FCHO2: variants seen among roughly 807,000 people sequenced by gnomAD.
FCHO2 encodes FCH and mu domain containing endocytic adaptor 2.
FCHO2 carries 43 observed loss-of-function variants against 114.1 expected under a neutral mutation model. That is an observed-to-expected ratio of 0.38 (90% CI 0.30 to 0.49). The LOEUF is 0.49. Among genes scored for constraint, FCHO2 ranks in the 20% least tolerant of loss-of-function variants. The pLI, the probability that FCHO2 is intolerant of heterozygous loss-of-function variation, is 0.97. For missense variants in FCHO2, 807 were observed against 950.4 expected, an observed-to-expected ratio of 0.85 and a Z score of 1.98; for synonymous variants, 293 against 315.2, an observed-to-expected ratio of 0.93 and a Z score of 0.75.
intron 11 of FCHO2, among the ~76,000 whole-genome samples, chr5:73,045,872 T>G (rs1286286640): frequency 1.4e-4 from 21 of 152,178 alleles, no homozygotes; most frequent in Admixed American, 1.2e-3. Flanking sequence ...AGATTGCCAT[T>G]TCTTGTTTTG....
At chr5:72,971,871 T>G (rs866601994) in intron 2 of FCHO2, among the ~76,000 whole-genome samples, 1 of 152,126 alleles carries the variant, frequency 6.6e-6, no homozygotes, top group Non-Finnish European at 1.5e-5. Context: ...GTGAATTGAT[T>G]TTTGTATAAG....
At chr5:73,037,760 CTT>C (rs762112815) in intron 10 of FCHO2, 1,505 of 327,788 alleles carry the variant, frequency 4.6e-3, no homozygotes, top group Middle Eastern at 8.8e-3. Flanking sequence ...GATTTACCTT[CTT>C]TTTTTTTTTT....
chr5:73,008,423 G>A (rs369499978), intron 6 of FCHO2, among the ~76,000 whole-genome samples: 3 of 152,100 alleles, frequency 2.0e-5, no homozygotes, highest in East Asian at 1.9e-4. Flanking sequence ...GGAATTCTTC[G>A]GAAGATTAGG....
At chr5:73,081,029 G>A (rs956704139) in intron 22 of FCHO2, among the ~76,000 whole-genome samples, 5 of 152,104 alleles carry the variant, frequency 3.3e-5, no homozygotes, top group African/African-American at 7.2e-5. Context: ...AGGATTGCTC[G>A]AGCCCAGGAG....
chr5:73,024,162 C>T (rs940055034), intron 8 of FCHO2, among the ~76,000 whole-genome samples: 7 of 152,042 alleles, frequency 4.6e-5, no homozygotes, highest in African/African-American at 7.2e-5. Flanking sequence ...CAGGCTCAAG[C>T]GATCTTGCCA....
chr5:72,979,452 C>T (rs576262558), intron 2 of FCHO2, among the ~76,000 whole-genome samples: 166 of 115,522 alleles, frequency 1.4e-3, no homozygotes, highest in African/African-American at 5.0e-3. Flanking sequence ...AGTGCAGTGG[C>T]GCGATCTCGG....
At chr5:72,996,845 G>T in intron 5 of FCHO2, 1 of 1,014,082 alleles carries the variant, frequency 9.9e-7, no homozygotes, top group African/African-American at 1.6e-5. Flanking sequence ...GGCAACGGGG[G>T]GCTGGCGGAG....
chr5:72,981,210 T>C (rs1753191659), intron 2 of FCHO2, among the ~76,000 whole-genome samples: 1 of 152,220 alleles, frequency 6.6e-6, no homozygotes, highest in Admixed American at 6.5e-5. Flanking sequence ...TGAAGCTTTG[T>C]TTGGCTAGAC....
At chr5:72,996,639 T>C (rs1350788305) in intron 5 of FCHO2, among the ~76,000 whole-genome samples, 2 of 150,234 alleles carry the variant, frequency 1.3e-5, no homozygotes, top group Non-Finnish European at 3.0e-5. Context: ...CCGACCTGTC[T>C]CGGCCCGCAA....
At chr5:72,957,034 A>G (rs906341130) in intron 1 of FCHO2, among the ~76,000 whole-genome samples, 1 of 152,114 alleles carries the variant, frequency 6.6e-6, no homozygotes, top group Non-Finnish European at 1.5e-5. Context: ...AGATTTAGAC[A>G]TATTTAAAGG....
chr5:72,970,747 T>C (rs866567176), intron 2 of FCHO2, among the ~76,000 whole-genome samples: 7 of 152,190 alleles, frequency 4.6e-5, no homozygotes, highest in South Asian at 4.1e-4. Flanking sequence ...ACGTGCACAA[T>C]GTGCAGGTTA....
chr5:73,051,304 G>T (rs1158455739), intron 11 of FCHO2, 45 bp from the exon 12 acceptor site: 3 of 1,288,110 alleles, frequency 2.3e-6, no homozygotes, highest in African/African-American at 1.5e-5. Flanking sequence ...TAATAATTTT[G>T]TACATTGGAG....
At chr5:73,050,294 C>CTATTTATTTATTTATTTATTTATT (rs3054232) in intron 11 of FCHO2, among the ~76,000 whole-genome samples, 2 of 123,522 alleles carry the variant, frequency 1.6e-5, no homozygotes, top group Non-Finnish European at 3.7e-5. Context: ...TAGCTTTCTG[C>CTATTTATTTATTTATTTATTTATT]TATTTATTTA....
intron 20 of FCHO2, among the ~76,000 whole-genome samples, chr5:73,076,212 A>G (rs1397553934): frequency 5.9e-5 from 9 of 152,172 alleles, no homozygotes; most frequent in Non-Finnish European, 1.3e-4. Flanking sequence ...ACCATTGACA[A>G]TAATTGGTGA....
chr5:72,983,186 T>G (rs1753319326), intron 2 of FCHO2, among the ~76,000 whole-genome samples: 1 of 152,164 alleles, frequency 6.6e-6, no homozygotes, highest in Non-Finnish European at 1.5e-5. Context: ...AGTGCTGGGA[T>G]TACAGGTGTG....
chr5:72,971,221 T>C (rs1752533429), intron 2 of FCHO2, among the ~76,000 whole-genome samples: 1 of 152,114 alleles, frequency 6.6e-6, no homozygotes, highest in Admixed American at 6.5e-5. Context: ...TACCCAGTAA[T>C]GGGATGGCTG....
chr5:73,083,965 C>T (rs1743210499), intron 24 of FCHO2, among the ~76,000 whole-genome samples: 1 of 151,620 alleles, frequency 6.6e-6, no homozygotes, highest in African/African-American at 2.4e-5. Context: ...GTCCATTTCC[C>T]CCTATTAAAG....
At chr5:73,008,251 G>T (rs1754821453) in intron 6 of FCHO2, among the ~76,000 whole-genome samples, 1 of 152,172 alleles carries the variant, frequency 6.6e-6, no homozygotes, top group African/African-American at 2.4e-5. Context: ...GATAATTCTG[G>T]CAGTTTTGGG....
chr5:73,026,731 C>A (rs1334173036), intron 8 of FCHO2, among the ~76,000 whole-genome samples: 4 of 151,892 alleles, frequency 2.6e-5, no homozygotes, highest in Admixed American at 6.6e-5. Flanking sequence ...CATTCTGTTG[C>A]CCAGTCTGGA....
Sources: allele counts gnomAD v4.1 joint callset (sites outside exome capture counted in the v4.1 genomes callset), GRCh38; gene constraint gnomAD v4.1.1; transcripts MANE v1.5; gene names NCBI Gene and HGNC (gene_info 2026-07-23, HGNC 2026-07-21).